Variants in ABHD18 observed in about 807,000 individuals in gnomAD.
ABHD18 encodes abhydrolase domain containing 18, also known as cardiolipin-specific deacylase, mitochondrial.
A neutral mutation model predicts 65.9 loss-of-function variants in ABHD18; 55 were observed. The ratio of observed to expected loss-of-function variants is 0.84; its 90% CI spans 0.67 to 1.05. ABHD18 has a LOEUF of 1.05. Ranked by LOEUF, ABHD18 falls within the 50% of genes least tolerant of loss-of-function variation. ABHD18 has a pLI of 0.00. For synonymous variants in ABHD18, 181 were observed against 180.2 expected (o/e 1.00, Z -0.04); for missense variants, 533 against 558.5 (o/e 0.95, Z 0.46).
intron 4 of ABHD18, among the ~76,000 whole-genome samples, chr4:128,000,686 T>C (rs570111915): frequency 1.3e-5 from 2 of 152,354 alleles, no homozygotes; most frequent in African/African-American, 4.8e-5. Flanking sequence ...TTTGGTAGTT[T>C]TATAGGAATA....
chr4:127,967,985 G>T (rs147851636), intron 1 of ABHD18, among the ~76,000 whole-genome samples: 208 of 152,280 alleles, frequency 1.4e-3, no homozygotes, highest in African/African-American at 4.5e-3. Context: ...ACTTTGGGAG[G>T]CCGAGGCGGG....
chr4:127,986,594 G>C (rs918352921), intron 3 of ABHD18, among the ~76,000 whole-genome samples: 7 of 152,126 alleles, frequency 4.6e-5, no homozygotes, highest in African/African-American at 1.7e-4. Flanking sequence ...TTAATTATTG[G>C]TCATGTGATG....
chr4:128,008,017 A>G (rs1753908627), intron 4 of ABHD18, among the ~76,000 whole-genome samples: 1 of 151,962 alleles, frequency 6.6e-6, no homozygotes, highest in Non-Finnish European at 1.5e-5. Context: ...TAATCCCAGC[A>G]CTTTGGGAGG....
At chr4:128,023,608 G>A (rs1322716460) in intron 10 of ABHD18, among the ~76,000 whole-genome samples, 1 of 151,038 alleles carries the variant, frequency 6.6e-6, no homozygotes, top group Non-Finnish European at 1.5e-5. Flanking sequence ...AAGGCTGGGC[G>A]CAATGGCTCA....
intron 11 of ABHD18, among the ~76,000 whole-genome samples, chr4:128,029,841 A>G (rs1757954102): frequency 6.6e-6 from 1 of 151,906 alleles, no homozygotes; most frequent in Non-Finnish European, 1.5e-5. Context: ...AAAATAAATT[A>G]GCTGGGTGTG....
intron 12 of ABHD18, 117 bp downstream of exon 12, chr4:128,030,789 C>T (rs1329927826): frequency 2.1e-6 from 3 of 1,419,094 alleles, no homozygotes; most frequent in Non-Finnish European, 2.7e-6. Flanking sequence ...CTTTGAATTC[C>T]CTCCTCACCT....
chr4:128,030,407 A>G, intron 11 of ABHD18, 103 bp from the exon 12 acceptor site: 1 of 772,266 alleles, frequency 1.3e-6, no homozygotes, highest in Non-Finnish European at 1.9e-6. Flanking sequence ...TTTTTAATTT[A>G]ATCAAAAATG....
intron 3 of ABHD18, among the ~76,000 whole-genome samples, chr4:127,984,753 G>A (rs1431840734): frequency 1.3e-5 from 2 of 152,056 alleles, no homozygotes; most frequent in African/African-American, 4.8e-5. Flanking sequence ...CCAGCTACTC[G>A]GGAGGCTGAG....
intron 10 of ABHD18, among the ~76,000 whole-genome samples, chr4:128,022,826 C>T (rs1457649299): frequency 6.7e-6 from 1 of 149,812 alleles, no homozygotes; most frequent in South Asian, 2.1e-4. Flanking sequence ...TGCAGTGGCA[C>T]GATCTTAGCT....
intron 8 of ABHD18, among the ~76,000 whole-genome samples, chr4:128,017,879 TA>T (rs1432913202): frequency 2.0e-5 from 3 of 152,252 alleles, no homozygotes; most frequent in Non-Finnish European, 2.9e-5. Flanking sequence ...GTCTGCCTTT[TA>T]GAGTGTACTA....
chr4:127,974,188 GTTTTTTTT>G (rs34967150), intron 1 of ABHD18, among the ~76,000 whole-genome samples: 1 of 101,488 alleles, frequency 9.9e-6, no homozygotes, highest in African/African-American at 3.7e-5. Flanking sequence ...CTTAAGTTCT[GTTTTTTTT>G]TTTTTTTTTT....
chr4:128,009,274 A>G, intron 6 of ABHD18, 83 bp downstream of exon 6: 3 of 864,658 alleles, frequency 3.5e-6, no homozygotes, highest in Non-Finnish European at 4.8e-6. Context: ...GATAGTAACC[A>G]AGTTTTCTAA....
intron 4 of ABHD18, among the ~76,000 whole-genome samples, chr4:127,993,535 A>G (rs997027667): frequency 1.3e-5 from 2 of 152,242 alleles, no homozygotes; most frequent in African/African-American, 4.8e-5. Context: ...CTTGTGCAGC[A>G]ATTTATCTTA....
At chr4:127,997,396 G>A (rs1169192026) in intron 4 of ABHD18, among the ~76,000 whole-genome samples, 1 of 152,124 alleles carries the variant, frequency 6.6e-6, no homozygotes, top group Non-Finnish European at 1.5e-5. Flanking sequence ...AGACTAGGCA[G>A]TCAAAAGGAT....
intron 1 of ABHD18, among the ~76,000 whole-genome samples, chr4:127,974,188 GTTTTTTTTTTT>G (rs34967150): frequency 9.9e-5 from 10 of 101,488 alleles, no homozygotes; most frequent in Admixed American, 3.0e-4. Flanking sequence ...CTTAAGTTCT[GTTTTTTTTTTT>G]TTTTTTTTTT....
Position 128,028,781 on chromosome 4 carries a change from A to C in ABHD18, c.1108A>C (p.Ser370Arg), listed in dbSNP as rs751196852. ...ACTTAGTAAAGAACAAAGCAGAAAC[A>C]GTCTTCGGAAAGAGTCTTTAATATT... ...HLLSKEQSRN[S>R]LRKESLIFMK... Residue 370 changes from serine to arginine, a missense_variant, in exon 11 of 13, where the codon AGT becomes CGT. Ser to Arg is a moderately radical substitution (Grantham distance 110, BLOSUM62 -1). This residue lies in a region of ABHD18 where 220 missense variants were observed against 226.8 expected (regional missense o/e 0.97). Transcript: ENST00000645843. The C allele has an allele frequency of 6.2e-7, 1 of 1,611,152 alleles. No homozygotes were observed. Among genetic ancestry groups the C allele is most frequent in the Admixed American group, 1.7e-5 (1 of 59,168 alleles).
rs775805089 is a variant in ABHD18, at chr4:128,017,454, G to A, written c.562G>A (p.Glu188Lys). ...SAALLHWLER[E>K]GYGPLGMTGI... Reference sequence around the variant, plus strand: ...AGCTCTCTTGCACTGGCTAGAGAGGGAAGGTTACGGCCCTTTAGGAATGAC... The same window carrying A: ...AGCTCTCTTGCACTGGCTAGAGAGGAAAGGTTACGGCCCTTTAGGAATGAC... Residue 188 changes from glutamate (E) to lysine (K), a missense_variant, in exon 8 of 13, where the codon GAA (glutamate) becomes AAA (lysine). Glu to Lys is a moderately conservative substitution (Grantham distance 56). Coordinates refer to ENST00000645843, the MANE Select transcript of ABHD18 (RefSeq NM_001358451.3). 2.5e-5 allele frequency: 40 copies of A among 1,613,452 alleles called. No individual in the cohort carries two copies. Among genetic ancestry groups the A allele is most frequent in the Non-Finnish European group, 3.2e-5 (38 of 1,179,656 alleles).
chr4:127,977,406 A>T (rs913610003), intron 1 of ABHD18, among the ~76,000 whole-genome samples: 1 of 152,250 alleles, frequency 6.6e-6, no homozygotes, highest in Admixed American at 6.5e-5. Context: ...TGGGAGGCAG[A>T]GGTTGCAGTG....
intron 7 of ABHD18, among the ~76,000 whole-genome samples, chr4:128,013,679 C>G (rs769850598): frequency 1.3e-5 from 2 of 149,892 alleles, no homozygotes; most frequent in Non-Finnish European, 2.9e-5. Context: ...GCCCGGGCGA[C>G]AGAGCGAGAC....
Sources: gnomAD v4.1 joint callset for allele counts (sites outside exome capture counted in the v4.1 genomes callset) on GRCh38, gnomAD v4.1.1 for gene constraint, gnomAD v4.1.1 regional missense constraint, MANE v1.5 for transcripts, NCBI Gene and HGNC (gene_info 2026-07-23, HGNC 2026-07-21) for gene names.